Variants in ZNF385D observed in about 807,000 individuals in gnomAD.
The protein encoded by ZNF385D is zinc finger protein 659.
ZNF385D carries 15 observed loss-of-function variants against 35.8 expected under a neutral mutation model. The observed-to-expected ratio is 0.42, with a 90% CI of 0.28 to 0.64. The LOEUF (loss-of-function observed/expected upper bound fraction) is 0.64, where lower values mean the gene tolerates loss of function less well. Among genes scored for constraint, ZNF385D ranks in the 30% least tolerant of loss-of-function variants. ZNF385D has a pLI of 0.23. For missense variants in ZNF385D, 474 were observed against 494.6 expected, an observed-to-expected ratio of 0.96 and a Z score of 0.39; for synonymous variants, 212 against 186.8, an observed-to-expected ratio of 1.13 and a Z score of -1.10.
chr3:21,798,437 G>C (rs1245906216), intron 3 of ZNF385D, among the ~76,000 whole-genome samples: 1 of 152,140 alleles, frequency 6.6e-6, no homozygotes, highest in Admixed American at 6.5e-5. Context: ...AACTCCTAGA[G>C]ACATCCTTGG....
At chr3:21,839,444 C>A (rs1383514242) in intron 3 of ZNF385D, among the ~76,000 whole-genome samples, 1 of 152,084 alleles carries the variant, frequency 6.6e-6, no homozygotes, top group African/African-American at 2.4e-5. Context: ...TCTCTAAAAT[C>A]TCTCACTTTC....
intron 3 of ZNF385D, among the ~76,000 whole-genome samples, chr3:21,768,105 A>T (rs2070910296): frequency 6.6e-6 from 1 of 152,048 alleles, no homozygotes; most frequent in African/African-American, 2.4e-5. Flanking sequence ...ACTTAGTGGG[A>T]TAGAGACACA....
At chr3:21,615,969 A>G (rs775900779) in intron 2 of ZNF385D, among the ~76,000 whole-genome samples, 58 of 152,308 alleles carry the variant, frequency 3.8e-4, no homozygotes, top group Non-Finnish European at 6.9e-4. Context: ...GGCTAATCAG[A>G]ATTAATGAAT....
At position 22,117,574 on chromosome 3, in the gene ZNF385D, A is replaced by AT. The variant is rs140745942; in HGVS notation, c.325+51242dup. 4.7e-3 allele frequency among the ~76,000 whole-genome samples: 704 copies of AT among 149,606 alleles called. 12 individuals are homozygous for AT. Among genetic ancestry groups the AT allele is most frequent in the African/African-American group, 0.015 (596 of 40,770 alleles). On this transcript the variant is annotated intron_variant, in intron 3 of 5. Coordinates refer to the ZNF385D transcript ENST00000494108. ...TGAATTCACACTGATTTATTCCACT[A>AT]TTTTTTTTTTACAAAAAAAATGATA...
intron 3 of ZNF385D, among the ~76,000 whole-genome samples, chr3:22,160,492 G>A (rs1056559151): frequency 1.3e-5 from 2 of 152,066 alleles, no homozygotes; most frequent in African/African-American, 4.8e-5. Context: ...AACTATCAAT[G>A]TTGCAGGAGA....
At chr3:22,080,827 AG>A (rs1469081552) in intron 3 of ZNF385D, among the ~76,000 whole-genome samples, 2 of 152,084 alleles carry the variant, frequency 1.3e-5, no homozygotes, top group Non-Finnish European at 2.9e-5. Context: ...CCAGAGAACT[AG>A]CTAGGCCCTT....
chr3:21,598,337 T>C (rs1210511230), intron 2 of ZNF385D, among the ~76,000 whole-genome samples: 1 of 152,236 alleles, frequency 6.6e-6, no homozygotes, highest in African/African-American at 2.4e-5. Context: ...GTTACATGCA[T>C]GTAGCTTTTA....
chr3:22,143,251 T>A (rs190384387), intron 3 of ZNF385D, among the ~76,000 whole-genome samples: 3 of 152,096 alleles, frequency 2.0e-5, no homozygotes. Context: ...CCTGGCTAAT[T>A]TTTTTGTTTG....
chr3:22,081,377 C>T (rs954239346), intron 3 of ZNF385D, among the ~76,000 whole-genome samples: 2 of 152,030 alleles, frequency 1.3e-5, no homozygotes, highest in African/African-American at 4.8e-5. Flanking sequence ...GCCTCCATGT[C>T]CTAAAAAAGA....
chr3:21,835,526 A>G (rs1257784551), intron 3 of ZNF385D, among the ~76,000 whole-genome samples: 1 of 151,852 alleles, frequency 6.6e-6, no homozygotes, highest in Non-Finnish European at 1.5e-5. Flanking sequence ...TACTTAAAAA[A>G]AAAAAAACTA....
At chr3:21,605,690 A>G (rs1382597864) in intron 2 of ZNF385D, among the ~76,000 whole-genome samples, 2 of 152,184 alleles carry the variant, frequency 1.3e-5, no homozygotes, top group East Asian at 1.9e-4. Flanking sequence ...GGAGATGACA[A>G]TAGCAACCAA....
chr3:22,256,966 C>A (rs1384560459), intron 2 of ZNF385D, among the ~76,000 whole-genome samples: 2 of 151,620 alleles, frequency 1.3e-5, no homozygotes, highest in African/African-American at 4.8e-5. Context: ...AGACTTAGAT[C>A]AAAAGTTATC....
chr3:21,861,702 C>CCCAGG (rs1191722354), intron 3 of ZNF385D, among the ~76,000 whole-genome samples: 3 of 152,020 alleles, frequency 2.0e-5, no homozygotes, highest in African/African-American at 7.2e-5. Flanking sequence ...TGGTTGTCTC[C>CCCAGG]CCAGGAGCAA....
chr3:21,517,849 C>A (rs1035280428), intron 3 of ZNF385D, among the ~76,000 whole-genome samples: 3 of 152,182 alleles, frequency 2.0e-5, no homozygotes, highest in Non-Finnish European at 4.4e-5. Context: ...TATCAACTCT[C>A]AGCTTCATTT....
chr3:22,029,407 C>T, intron 3 of ZNF385D, among the ~76,000 whole-genome samples: 1 of 152,168 alleles, frequency 6.6e-6, no homozygotes, highest in African/African-American at 2.4e-5. Context: ...ATGGTCCAGA[C>T]CCCTCAGGAA....
chr3:22,264,593 T>C (rs1012832531), intron 2 of ZNF385D, among the ~76,000 whole-genome samples: 2 of 151,968 alleles, frequency 1.3e-5, no homozygotes, highest in African/African-American at 2.4e-5. Flanking sequence ...CCTTGCTTCA[T>C]TTACATGTAT....
chr3:21,602,997 T>G (rs554772834), intron 2 of ZNF385D, among the ~76,000 whole-genome samples: 12 of 152,218 alleles, frequency 7.9e-5, no homozygotes, highest in South Asian at 2.1e-4. Flanking sequence ...CCCTCTTGCT[T>G]CTTTTATGCC....
intron 4 of ZNF385D, among the ~76,000 whole-genome samples, chr3:21,457,202 G>C (rs1201916812): frequency 6.6e-6 from 1 of 152,130 alleles, no homozygotes. Context: ...AACAGTAGGA[G>C]GAGGTGGCAG....
intron 2 of ZNF385D, among the ~76,000 whole-genome samples, chr3:22,175,773 T>C (rs1239142833): frequency 6.6e-6 from 1 of 151,370 alleles, no homozygotes; most frequent in African/African-American, 2.4e-5. Context: ...GCATATATAA[T>C]GTATATAGAT....
Sources: gnomAD v4.1 joint callset for allele counts (sites outside exome capture counted in the v4.1 genomes callset) on GRCh38, gnomAD v4.1.1 for gene constraint, MANE v1.5 for transcripts, NCBI Gene and HGNC (gene_info 2026-07-23, HGNC 2026-07-21) for gene names.